IFT43: variants seen among roughly 807,000 people sequenced by gnomAD.
IFT43 encodes intraflagellar transport 43.
Under a neutral mutation model 32.3 loss-of-function variants are expected in IFT43, and 33 were observed. The observed-to-expected ratio is 1.02, with a 90% confidence interval of 0.77 to 1.37. IFT43 has a LOEUF of 1.37. Among genes scored for constraint, IFT43 ranks in the 40% most tolerant of loss-of-function variants. The pLI, the probability that IFT43 is intolerant of heterozygous loss-of-function variation, is 0.00. For missense variants in IFT43, 274 were observed against 265.9 expected (o/e 1.03, Z -0.21); for synonymous variants, 93 against 98.2 (o/e 0.95, Z 0.31).
chr14:76,069,533 C>T (rs577942803), intron 5 of IFT43, among the ~76,000 whole-genome samples: 2 of 151,980 alleles, frequency 1.3e-5, no homozygotes, highest in South Asian at 4.1e-4. Flanking sequence ...GAAGGTGAGA[C>T]TGAAGATGGG....
intron 5 of IFT43, among the ~76,000 whole-genome samples, chr14:76,075,087 C>T (rs949391914): frequency 3.9e-5 from 6 of 152,240 alleles, no homozygotes; most frequent in East Asian, 3.9e-4. Flanking sequence ...GTCTCCCCAT[C>T]GCATGCCTCC....
intron 5 of IFT43, among the ~76,000 whole-genome samples, chr14:76,068,687 ACTT>A (rs2037268429): frequency 6.6e-6 from 1 of 152,292 alleles, no homozygotes; most frequent in African/African-American, 2.4e-5. Flanking sequence ...AGTCCTTTAG[ACTT>A]CTTCTGTCAT....
intron 3 of IFT43, among the ~76,000 whole-genome samples, chr14:76,027,175 C>A (rs984877218): frequency 6.6e-6 from 1 of 152,082 alleles, no homozygotes; most frequent in Non-Finnish European, 1.5e-5. Context: ...GTACAACAAA[C>A]CCCTGTGACA....
At chr14:76,016,137 T>A (rs889740692) in intron 2 of IFT43, among the ~76,000 whole-genome samples, 2 of 152,216 alleles carry the variant, frequency 1.3e-5, no homozygotes, top group Non-Finnish European at 2.9e-5. Context: ...ACTGTGTTAA[T>A]TGTTTCATTT....
At position 76,039,026 on chromosome 14, in the gene IFT43, G is replaced by A. The variant is rs539502937; in HGVS notation, c.215+16632G>A. On this transcript the variant is annotated intron_variant, in intron 3 of 8. Transcript: ENST00000314067. ...ACTTCCTGAAAGTCACTGTTCATGG[G>A]CACAGATGTAAAAGTAAGCATTTGT... Among the ~76,000 whole-genome samples the A allele has an allele frequency of 2.6e-5, 4 of 152,232 alleles. No individual in the cohort carries two copies. The South Asian group carries it at 8.3e-4, about 32-fold the overall frequency.
rs1182195870 is a variant in IFT43, at chr14:76,037,742, G to C, written c.215+15348G>C. Among the ~76,000 whole-genome samples, 27 of 146,582 alleles carry C rather than the reference G, an allele frequency of 1.8e-4. No individual in the cohort carries two copies. In the Admixed American group the frequency reaches 1.8e-3, roughly 10 times the overall value. On this transcript the variant is annotated intron_variant, in intron 3 of 8. Transcript: ENST00000314067. ...CTGATTAAGAGCTGCAGCTGCCTTTGCCTTTGCATTACTATTAATAGTAAC... is the reference window on the plus strand; with the variant it reads ...CTGATTAAGAGCTGCAGCTGCCTTTCCCTTTGCATTACTATTAATAGTAAC...
At chr14:76,082,191 C>T (rs2140099051) in intron 5 of IFT43, 104 bp from the exon 6 acceptor site, 2 of 1,045,268 alleles carry the variant, frequency 1.9e-6, no homozygotes, top group African/African-American at 1.6e-5. Flanking sequence ...CCCCAGCCCA[C>T]AGCCCCATGG....
chr14:76,083,633 G>T lies in IFT43; in HGVS notation c.*56G>T, dbSNP rs954602992. The T allele has an allele frequency of 8.3e-6, 13 of 1,574,714 alleles. No homozygotes were observed. The Middle Eastern group carries it at 1.2e-3, about 148-fold the overall frequency. On this transcript the variant is annotated 3_prime_UTR_variant, in exon 9 of 9. Transcript: ENST00000314067. ...ATGCAATGAGCTTAAAGCTAAAGAA[G>T]CTTGTAAGCAGCTCCGAATTTTTAC... is the stretch of plus-strand genomic sequence containing the variant.
At chr14:76,008,336 G>A (rs2036016944) in intron 2 of IFT43, among the ~76,000 whole-genome samples, 1 of 152,150 alleles carries the variant, frequency 6.6e-6, no homozygotes, top group African/African-American at 2.4e-5. Context: ...AAGCATTAAG[G>A]ATTCCTCTTC....
At chr14:76,057,721 C>G (rs1159462571) in intron 3 of IFT43, among the ~76,000 whole-genome samples, 1 of 152,120 alleles carries the variant, frequency 6.6e-6, no homozygotes, top group Non-Finnish European at 1.5e-5. Context: ...CCCTTTGCCC[C>G]CATCCTTTGC....
chr14:76,079,568 AAGG>A (rs1245548232), intron 5 of IFT43, among the ~76,000 whole-genome samples: 12 of 152,222 alleles, frequency 7.9e-5, no homozygotes, highest in African/African-American at 2.4e-4. Flanking sequence ...ACCATGGAGC[AAGG>A]AGTTCTACAT....
chr14:76,056,491 CATT>C lies in IFT43; in HGVS notation c.216-2147_216-2145del, dbSNP rs1220727322. ...GCCTCCCCCGAAAGATTAGCATTAT[CATT>C]ATTGTTTCCTTCAGACAGAATCGCC... On this transcript the variant is annotated intron_variant, in intron 3 of 8. Transcript: ENST00000314067. Among the ~76,000 whole-genome samples, 10 of 152,354 alleles carry C rather than the reference CATT, an allele frequency of 6.6e-5. No individual in the cohort carries two copies. The East Asian group carries it at 1.5e-3, about 23-fold the overall frequency.
At chr14:75,994,640 A>G (rs1279562630) in intron 2 of IFT43, among the ~76,000 whole-genome samples, 1 of 152,226 alleles carries the variant, frequency 6.6e-6, no homozygotes, top group African/African-American at 2.4e-5. Flanking sequence ...ACCTGTTGCA[A>G]ATCAGGCTTG....
intron 2 of IFT43, among the ~76,000 whole-genome samples, chr14:75,993,678 G>A (rs1035325583): frequency 1.3e-5 from 2 of 152,192 alleles, no homozygotes; most frequent in East Asian, 3.9e-4. Context: ...AGTGGGTGCA[G>A]TCACTGGAGC....
chr14:76,076,837 C>T (rs2037421831), intron 5 of IFT43: 7 of 857,032 alleles, frequency 8.2e-6, no homozygotes, highest in Non-Finnish European at 1.1e-5. Context: ...TCACATCCAA[C>T]AGCTCACATC....
chr14:76,083,063 TG>T, intron 7 of IFT43, 163 bp from the exon 8 acceptor site: 1 of 208,696 alleles, frequency 4.8e-6, no homozygotes. Context: ...CATTTCTCAG[TG>T]GGCATGTGGT....
intron 3 of IFT43, among the ~76,000 whole-genome samples, chr14:76,025,756 T>C (rs539846198): frequency 1.5e-4 from 23 of 152,174 alleles, no homozygotes; most frequent in Non-Finnish European, 2.9e-4. Flanking sequence ...AAGCAGAAGA[T>C]TGAAACTGGA....
intron 2 of IFT43, among the ~76,000 whole-genome samples, chr14:75,993,997 C>G (rs150676870): frequency 8.8e-4 from 134 of 152,250 alleles, no homozygotes; most frequent in African/African-American, 3.0e-3. Context: ...CATTACCACA[C>G]CATAGCATCG....
chr14:76,060,959 G>A (rs1451816533), intron 5 of IFT43, among the ~76,000 whole-genome samples: 1 of 151,386 alleles, frequency 6.6e-6, no homozygotes, highest in Non-Finnish European at 1.5e-5. Flanking sequence ...GGAGTGCAGT[G>A]CCATGATCTT....
Sources: allele counts gnomAD v4.1 joint callset (sites outside exome capture counted in the v4.1 genomes callset), GRCh38; gene constraint gnomAD v4.1.1; transcripts MANE v1.5; gene names NCBI Gene and HGNC (gene_info 2026-07-23, HGNC 2026-07-21).